Variants in HS3ST4 observed in about 807,000 individuals in gnomAD.
HS3ST4 encodes the protein heparan sulfate glucosamine 3-O-sulfotransferase 4.
In HS3ST4, 17 loss-of-function variants were observed where a neutral mutation model predicts 29.2. That is an observed-to-expected ratio of 0.58 (90% CI 0.40 to 0.87). The LOEUF is 0.87. HS3ST4 is among the 40% of genes least tolerant of loss of function. HS3ST4 has a pLI of 0.00. For missense variants in HS3ST4, 627 were observed against 634.5 expected (o/e 0.99, Z 0.13); for synonymous variants, 314 against 285.7 (o/e 1.10, Z -1.00).
intron 1 of HS3ST4, among the ~76,000 whole-genome samples, chr16:26,125,291 G>T (rs1301605488): frequency 6.6e-6 from 1 of 152,106 alleles, no homozygotes; most frequent in Non-Finnish European, 1.5e-5. Context: ...TGGGGGTGGG[G>T]TGGGGATGGT....
intron 1 of HS3ST4, among the ~76,000 whole-genome samples, chr16:26,127,808 A>G (rs543793823): frequency 6.6e-6 from 1 of 152,306 alleles, no homozygotes; most frequent in Non-Finnish European, 1.5e-5. Context: ...ACAAACCTAA[A>G]CCTTCTCATC....
At chr16:25,743,158 G>A (rs1966665717) in intron 1 of HS3ST4, among the ~76,000 whole-genome samples, 1 of 152,216 alleles carries the variant, frequency 6.6e-6, no homozygotes, top group Non-Finnish European at 1.5e-5. Context: ...GTGAGGAAGA[G>A]GCAGTGTAGC....
At chr16:26,072,515 C>G (rs1898614288) in intron 1 of HS3ST4, among the ~76,000 whole-genome samples, 1 of 152,186 alleles carries the variant, frequency 6.6e-6, no homozygotes, top group Admixed American at 6.5e-5. Flanking sequence ...GTGCCTAAAA[C>G]AGGATAACAT....
intron 1 of HS3ST4, among the ~76,000 whole-genome samples, chr16:25,874,019 A>G (rs1567261745): frequency 6.6e-6 from 1 of 151,554 alleles, no homozygotes; most frequent in East Asian, 1.9e-4. Context: ...CTTATCAAAC[A>G]CTCTCATCGC....
Position 25,929,906 on chromosome 16 carries a change from C to T in HS3ST4, c.735-205706C>T, listed in dbSNP as rs562069770. On this transcript the variant is annotated intron_variant, in intron 1 of 1. Transcript: ENST00000331351. ...TATGGATTATTTTGTCACCCTGGTA[C>T]TAAGGCCAGTGCCCAACAGTTATTT... Among the ~76,000 whole-genome samples, 3 of 152,272 alleles carry T rather than the reference C, an allele frequency of 2.0e-5. No individual in the cohort carries two copies. In the South Asian group the frequency reaches 6.2e-4, roughly 32 times the overall value.
intron 1 of HS3ST4, among the ~76,000 whole-genome samples, chr16:25,790,827 T>C (rs1400132251): frequency 6.6e-6 from 1 of 152,256 alleles, no homozygotes; most frequent in Admixed American, 6.5e-5. Context: ...ATTGAAAATA[T>C]ATTCAACTAG....
At chr16:26,031,659 G>A (rs915722187) in intron 1 of HS3ST4, among the ~76,000 whole-genome samples, 21 of 151,506 alleles carry the variant, frequency 1.4e-4, no homozygotes, top group Non-Finnish European at 2.6e-4. Flanking sequence ...AGGAGCCTCT[G>A]GCCCGACGCA....
intron 1 of HS3ST4, among the ~76,000 whole-genome samples, chr16:25,851,418 C>T (rs552150506): frequency 1.3e-5 from 2 of 152,268 alleles, no homozygotes; most frequent in Non-Finnish European, 2.9e-5. Flanking sequence ...TCCATTTGCC[C>T]TCTGTCCATA....
intron 1 of HS3ST4, among the ~76,000 whole-genome samples, chr16:25,742,839 G>T (rs916801287): frequency 6.6e-6 from 1 of 152,158 alleles, no homozygotes; most frequent in African/African-American, 2.4e-5. Flanking sequence ...TCCAAGGGTG[G>T]ATTTCAAATC....
At chr16:25,814,880 A>G (rs1328987645) in intron 1 of HS3ST4, among the ~76,000 whole-genome samples, 1 of 152,216 alleles carries the variant, frequency 6.6e-6, no homozygotes, top group Non-Finnish European at 1.5e-5. Context: ...AGGAAGGCAT[A>G]AGACATATAG....
At chr16:25,782,625 A>C (rs1225082406) in intron 1 of HS3ST4, among the ~76,000 whole-genome samples, 1 of 152,202 alleles carries the variant, frequency 6.6e-6, no homozygotes, top group Non-Finnish European at 1.5e-5. Flanking sequence ...AAACCTGATT[A>C]AGGCAGTTCT....
chr16:25,904,022 T>C (rs780240884), intron 1 of HS3ST4, among the ~76,000 whole-genome samples: 2 of 152,336 alleles, frequency 1.3e-5, no homozygotes, highest in Non-Finnish European at 2.9e-5. Context: ...AGTGAGTGAA[T>C]ACATGCATGG....
chr16:25,828,295 TCTTTCC>T (rs1244072170), intron 1 of HS3ST4, among the ~76,000 whole-genome samples: 17 of 68,150 alleles, frequency 2.5e-4, no homozygotes, highest in Non-Finnish European at 4.2e-4. Context: ...TTTCTTTCTT[TCTTTCC>T]CTCTCTCTCT....
chr16:25,875,205 G>A (rs771316566), intron 1 of HS3ST4, among the ~76,000 whole-genome samples: 3 of 152,088 alleles, frequency 2.0e-5, no homozygotes, highest in Non-Finnish European at 4.4e-5. Context: ...TATCGTTTCA[G>A]CTTTATCTGA....
At chr16:26,133,589 A>G (rs1191660056) in intron 1 of HS3ST4, among the ~76,000 whole-genome samples, 1 of 152,208 alleles carries the variant, frequency 6.6e-6, no homozygotes, top group East Asian at 1.9e-4. Context: ...CAACCATTAT[A>G]CTAACAACAT....
Position 25,999,036 on chromosome 16 carries a change from A to T in HS3ST4, c.735-136576A>T, listed in dbSNP as rs570411534. Among the ~76,000 whole-genome samples, 12 of 152,216 alleles carry T rather than the reference A, an allele frequency of 7.9e-5. No homozygotes were observed. In the South Asian group the frequency reaches 2.5e-3, roughly 32 times the overall value. On this transcript the variant is annotated intron_variant, in intron 1 of 1. Transcript: ENST00000331351. ...CTTTCTCATTTTTTTGTAATAAATA[A>T]TGTATTTAGACTGTAAAATATCTCT... is the stretch of plus-strand genomic sequence containing the variant.
chr16:25,732,453 G>A (rs541914086), intron 1 of HS3ST4, among the ~76,000 whole-genome samples: 1 of 152,240 alleles, frequency 6.6e-6, no homozygotes, highest in Admixed American at 6.5e-5. Flanking sequence ...CAAACAATAA[G>A]AAATGCATGA....
chr16:25,699,564 T>G (rs1321035003), intron 1 of HS3ST4, among the ~76,000 whole-genome samples: 1 of 152,250 alleles, frequency 6.6e-6, no homozygotes, highest in Non-Finnish European at 1.5e-5. Context: ...GGCTTGGCTT[T>G]GCCACATACT....
intron 1 of HS3ST4, among the ~76,000 whole-genome samples, chr16:25,738,183 C>T (rs991699686): frequency 5.3e-5 from 8 of 152,130 alleles, no homozygotes; most frequent in South Asian, 2.1e-4. Flanking sequence ...GGATTACAGG[C>T]GTGACCTACC....
Sources: allele counts gnomAD v4.1 joint callset (sites outside exome capture counted in the v4.1 genomes callset), GRCh38; gene constraint gnomAD v4.1.1; transcripts MANE v1.5; gene names NCBI Gene and HGNC (gene_info 2026-07-23, HGNC 2026-07-21).